EVI5: variants seen among roughly 807,000 people sequenced by gnomAD.
The protein encoded by EVI5 is ecotropic viral integration site 5, also known as ecotropic viral integration site 5 protein homolog.
Under a neutral mutation model 112.0 loss-of-function variants are expected in EVI5, and 73 were observed. That is an observed-to-expected ratio of 0.65 (90% CI 0.54 to 0.79). The LOEUF (loss-of-function observed/expected upper bound fraction) is 0.79. EVI5 is among the 30% of genes least tolerant of loss of function. The pLI is 0.00. For missense variants in EVI5, 900 were observed against 968.8 expected (o/e 0.93, Z 0.94); for synonymous variants, 305 against 319.9 (o/e 0.95, Z 0.50).
intron 19 of EVI5, among the ~76,000 whole-genome samples, chr1:92,555,370 C>CA (rs1300307660): frequency 3.3e-5 from 5 of 152,176 alleles, no homozygotes; most frequent in Admixed American, 2.0e-4. Flanking sequence ...AAAATTCACT[C>CA]ACCAGTACAA....
intron 19 of EVI5, among the ~76,000 whole-genome samples, chr1:92,521,032 G>A (rs573291068): frequency 1.3e-4 from 19 of 150,458 alleles, no homozygotes; most frequent in East Asian, 1.2e-3. Flanking sequence ...CACGATCTCA[G>A]CTCACTGCAG....
At chr1:92,617,586 T>C (rs963537815) in intron 16 of EVI5, among the ~76,000 whole-genome samples, 1 of 152,146 alleles carries the variant, frequency 6.6e-6, no homozygotes, top group Admixed American at 6.5e-5. Flanking sequence ...GTGGCAGGGA[T>C]GGAAGTTACA....
chr1:92,761,057 CAAAA>C (rs35833050), intron 1 of EVI5, among the ~76,000 whole-genome samples: 2 of 106,236 alleles, frequency 1.9e-5, no homozygotes, highest in Non-Finnish European at 1.8e-5. Flanking sequence ...GGCTCCATCT[CAAAA>C]AAAAAAAAAA....
chr1:92,605,349 A>G lies in EVI5; in HGVS notation c.2028T>C (p.Ala676=). The change falls in exon 18 of 20, where the codon GCT becomes GCC. Residue 676 remains alanine, a synonymous_variant. Transcript: ENST00000684568. ...CAATGTGTTGTCGTAGTTCAGCCAC[A>G]GCAGCTATGCTATCTGCTTCCCGAA... ...VRLREADSIA[A]VAELRQHIAE... is the part of the protein sequence containing the mutation. 1 of 1,613,830 alleles carries G rather than the reference A, an allele frequency of 6.2e-7. No homozygotes were observed. Among genetic ancestry groups the G allele is most frequent in the Non-Finnish European group, 8.5e-7 (1 of 1,179,746 alleles).
At chr1:92,767,462 C>A (rs917881589) in intron 1 of EVI5, among the ~76,000 whole-genome samples, 17 of 152,166 alleles carry the variant, frequency 1.1e-4, no homozygotes, top group African/African-American at 4.1e-4. Flanking sequence ...TGGAATGTAT[C>A]TCCCGAGGAT....
At chr1:92,523,698 C>G (rs1027812391) in intron 19 of EVI5, among the ~76,000 whole-genome samples, 1 of 152,154 alleles carries the variant, frequency 6.6e-6, no homozygotes, top group Non-Finnish European at 1.5e-5. Flanking sequence ...CAGCGAGCTG[C>G]TCTGGAGTCC....
chr1:92,641,018 A>G (rs1659857668), intron 13 of EVI5, among the ~76,000 whole-genome samples: 1 of 152,170 alleles, frequency 6.6e-6, no homozygotes, highest in Non-Finnish European at 1.5e-5. Context: ...GAGCTGAGCA[A>G]TGAGAACACA....
chr1:92,737,334 T>C (rs181791930), intron 1 of EVI5, among the ~76,000 whole-genome samples: 100 of 152,306 alleles, frequency 6.6e-4, no homozygotes, highest in African/African-American at 2.2e-3. Flanking sequence ...GTACATTCTC[T>C]ACCAATAGCT....
intron 19 of EVI5, among the ~76,000 whole-genome samples, chr1:92,520,493 TG>T (rs1459990249): frequency 6.6e-6 from 1 of 152,098 alleles, no homozygotes; most frequent in Non-Finnish European, 1.5e-5. Context: ...GGGTTCATGG[TG>T]GGGGTGAGGA....
chr1:92,564,361 T>C (rs1669089934), intron 18 of EVI5, among the ~76,000 whole-genome samples: 1 of 152,148 alleles, frequency 6.6e-6, no homozygotes, highest in Non-Finnish European at 1.5e-5. Flanking sequence ...ATTCAATACT[T>C]AGTCAAGAAG....
rs866322757 is a variant in EVI5 at position 92,607,836 on chromosome 1, T to C, written c.1828-109A>G. 2.3e-4 allele frequency: 151 copies of C among 661,744 alleles called. 1 individual carries two copies. In the African/African-American group the frequency reaches 2.3e-3, roughly 10 times the overall value. The allele number at this position is 661,744 out of a possible 1,614,324, so 41.0% of individuals were successfully genotyped here. On this transcript the variant is annotated intron_variant, in intron 16 of 19. Coordinates refer to ENST00000684568, the MANE Select transcript of EVI5 (RefSeq NM_001350197.2). ...ACATTATTAAAAATGTTACTAGTTATAGGTCACTGTTATTCAACAAAATCA... is the reference window on the plus strand; with the variant it reads ...ACATTATTAAAAATGTTACTAGTTACAGGTCACTGTTATTCAACAAAATCA...
At chr1:92,684,955 G>A (rs933143700) in intron 9 of EVI5, among the ~76,000 whole-genome samples, 2 of 151,838 alleles carry the variant, frequency 1.3e-5, no homozygotes, top group African/African-American at 4.8e-5. Flanking sequence ...CAATAATAAT[G>A]GGAGACTTTA....
In EVI5 at chr1:92,662,804, G is replaced by A. The variant is rs1664246148; in HGVS notation, c.1307C>T (p.Thr436Ile). ...ENYLIKRELA[T>I]IKQQSDEASA... is the part of the protein sequence containing the mutation. ...GGCCTCATCACTCTGCTGTTTGATG[G>A]TGGCCAACTCCCGTTTTATGAGGTA... Residue 436 changes from threonine to isoleucine, a missense_variant, in exon 13 of 20, where the codon ACC becomes ATC. Transcript: ENST00000684568. 2 of 1,289,196 alleles carry A rather than the reference G, an allele frequency of 1.6e-6. No homozygotes were observed. The highest frequency in any genetic ancestry group is 2.5e-5 in the South Asian group (2 of 80,970). 79.9% of individuals were successfully genotyped at this position (1,289,196 alleles called of 1,614,324 possible). A position where few individuals can be genotyped will look rare whatever the true frequency, so the allele number is the denominator to read the frequency against.
At chr1:92,732,269 C>A (rs1379521624) in intron 2 of EVI5, 2 of 354,024 alleles carry the variant, frequency 5.6e-6, no homozygotes, top group Non-Finnish European at 1.1e-5. Context: ...TTGCCTGAGA[C>A]ACCATCATCA....
At chr1:92,523,405 G>A (rs1661292700) in intron 19 of EVI5, among the ~76,000 whole-genome samples, 1 of 151,546 alleles carries the variant, frequency 6.6e-6, no homozygotes, top group Non-Finnish European at 1.5e-5. Flanking sequence ...TGTTGAAATA[G>A]TTATATTTCA....
chr1:92,682,382 C>A (rs1209341760), intron 9 of EVI5, among the ~76,000 whole-genome samples: 1 of 152,118 alleles, frequency 6.6e-6, no homozygotes, highest in African/African-American at 2.4e-5. Flanking sequence ...CACTGTATAT[C>A]ATTCTGTCAG....
chr1:92,700,437 T>C (rs1346119953), intron 5 of EVI5, among the ~76,000 whole-genome samples: 5 of 152,234 alleles, frequency 3.3e-5, no homozygotes, highest in Non-Finnish European at 7.3e-5. Flanking sequence ...GAGGAGCTTT[T>C]CTACCTTATG....
intron 19 of EVI5, among the ~76,000 whole-genome samples, chr1:92,523,780 G>T (rs976493471): frequency 6.6e-6 from 1 of 151,976 alleles, no homozygotes; most frequent in African/African-American, 2.4e-5. Flanking sequence ...CCAGTAATTT[G>T]GTATGTATAA....
chr1:92,542,495 T>A (rs1664979323), intron 19 of EVI5, among the ~76,000 whole-genome samples: 1 of 152,218 alleles, frequency 6.6e-6, no homozygotes, highest in African/African-American at 2.4e-5. Flanking sequence ...TTTGACCTCC[T>A]CCCATGAATC....
Sources: allele counts gnomAD v4.1 joint callset (sites outside exome capture counted in the v4.1 genomes callset), GRCh38; gene constraint gnomAD v4.1.1; transcripts MANE v1.5; gene names NCBI Gene and HGNC (gene_info 2026-07-23, HGNC 2026-07-21).